Variants in KNTC1 observed in about 807,000 individuals in gnomAD.
KNTC1 encodes kinetochore associated 1.
A neutral mutation model predicts 314.4 loss-of-function variants in KNTC1; 253 were observed. The ratio of observed to expected loss-of-function variants is 0.80; its 90% confidence interval spans 0.73 to 0.89. The LOEUF (loss-of-function observed/expected upper bound fraction) is 0.89. Among genes scored for constraint, KNTC1 ranks in the 40% least tolerant of loss-of-function variants. KNTC1 has a pLI of 0.00. For missense variants in KNTC1, 2,475 were observed against 2,572.9 expected (o/e 0.96, Z 0.82); for synonymous variants, 901 against 901.4 (o/e 1.00, Z 0.01).
At chr12:122,558,577 A>G (rs1963759262) in intron 18 of KNTC1, among the ~76,000 whole-genome samples, 1 of 151,808 alleles carries the variant, frequency 6.6e-6, no homozygotes, top group Non-Finnish European at 1.5e-5. Flanking sequence ...ATATTAAATT[A>G]AAAGATAAAA....
At chr12:122,545,432 AAG>A (rs112536142) in intron 8 of KNTC1, among the ~76,000 whole-genome samples, 8,839 of 152,164 alleles carry the variant, frequency 0.058, 848 homozygotes, top group African/African-American at 0.2. Context: ...AGAAACAAAA[AAG>A]AGAGAAAAGA....
intron 31 of KNTC1, 83 bp from the exon 32 acceptor site, chr12:122,579,822 G>T: frequency 1.1e-6 from 1 of 891,182 alleles, no homozygotes; most frequent in South Asian, 1.5e-5. Flanking sequence ...CTGCTTCTGT[G>T]GTTTTTGTGT....
At position 122,582,983 on chromosome 12, in the gene KNTC1, C is replaced by T; in HGVS notation, c.3261C>T (p.Cys1087=). Residue 1087 remains cysteine, a splice_region_variant and synonymous_variant, in exon 34 of 64, where the codon TGC becomes TGT. Coordinates refer to ENST00000333479, the MANE Select transcript of KNTC1 (RefSeq NM_014708.6). ...DGNIKTALKK[C]SDLFKYHCNA... ...ACATCAAAACAGCACTGAAAAAATG[C>T]AGGTGACATTCCAGATCCCTGAATT... is the stretch of plus-strand genomic sequence containing the variant. The T allele has an allele frequency of 6.2e-7, 1 of 1,603,218 alleles. No individual in the cohort carries two copies. The highest frequency in any genetic ancestry group is 8.5e-7 in the Non-Finnish European group (1 of 1,173,426).
intron 37 of KNTC1, 86 bp from the exon 38 acceptor site, chr12:122,586,615 C>G (rs1869347810): frequency 2.5e-6 from 1 of 406,172 alleles, no homozygotes; most frequent in Non-Finnish European, 4.3e-6. Flanking sequence ...TATTTTGTTA[C>G]ATGGATATAT....
chr12:122,598,226 C>T (rs886434997), intron 44 of KNTC1, among the ~76,000 whole-genome samples: 10 of 151,982 alleles, frequency 6.6e-5, no homozygotes, highest in African/African-American at 2.4e-4. Flanking sequence ...CCTATAACTC[C>T]ACTCCCTAGA....
rs548165774 is a variant in KNTC1, at chr12:122,541,969, C to G, written c.446-81C>G. Reference sequence around the variant, plus strand: ...GGCGGAGGTTGCAGGGAGCCGAGATCGCGCTGCTGCACTCCAGCCTAGCGA... The same window carrying G: ...GGCGGAGGTTGCAGGGAGCCGAGATGGCGCTGCTGCACTCCAGCCTAGCGA... On this transcript the variant is annotated intron_variant, in intron 5 of 63. Coordinates refer to ENST00000333479, the MANE Select transcript of KNTC1 (RefSeq NM_014708.6). The G allele has an allele frequency of 2.2e-5, 30 of 1,349,314 alleles. No individual in the cohort carries two copies. In the East Asian group the frequency reaches 7.9e-4, roughly 36 times the overall value. 83.6% of individuals were successfully genotyped at this position (1,349,314 alleles called of 1,614,324 possible).
In KNTC1 at chr12:122,571,111, G is replaced by C; in HGVS notation, c.2004G>C (p.Trp668Cys). Residue 668 changes from tryptophan to cysteine, a missense_variant, in exon 24 of 64, where the codon TGG (tryptophan) becomes TGC (cysteine). By Grantham distance (215) the Trp-to-Cys change is radical (BLOSUM62 -2). Coordinates refer to ENST00000333479, the MANE Select transcript of KNTC1 (RefSeq NM_014708.6). Reference sequence around the variant, plus strand: ...ACGAGTTGGGATTGGCATCTTCCTGGCATTGGATTTCCTTGGTATGATGTG... The same window carrying C: ...ACGAGTTGGGATTGGCATCTTCCTGCCATTGGATTTCCTTGGTATGATGTG... ...KTDELGLASS[W>C]HWISLKDYQN... is the part of the protein sequence containing the mutation. 3 of 1,612,548 alleles carry C rather than the reference G, an allele frequency of 1.9e-6. No individual in the cohort carries two copies. The highest frequency in any genetic ancestry group is 2.5e-6 in the Non-Finnish European group (3 of 1,178,744).
intron 8 of KNTC1, among the ~76,000 whole-genome samples, chr12:122,544,574 G>A (rs1364035507): frequency 6.6e-6 from 1 of 151,966 alleles, no homozygotes; most frequent in Non-Finnish European, 1.5e-5. Flanking sequence ...TGTCACTAAT[G>A]GAAAAACAGC....
At chr12:122,533,786 T>C (rs987124785) in intron 2 of KNTC1, among the ~76,000 whole-genome samples, 1 of 152,102 alleles carries the variant, frequency 6.6e-6, no homozygotes, top group Non-Finnish European at 1.5e-5. Context: ...TTTGAAATAG[T>C]CATAAAATGA....
intron 53 of KNTC1, among the ~76,000 whole-genome samples, chr12:122,612,219 C>G (rs1258601853): frequency 6.6e-6 from 1 of 151,454 alleles, no homozygotes. Context: ...GCGCACGCCA[C>G]CACGCCTGGC....
chr12:122,598,091 T>TAA (rs1337773077), intron 44 of KNTC1, among the ~76,000 whole-genome samples, 153 bp downstream of exon 44: 1 of 152,244 alleles, frequency 6.6e-6, no homozygotes, highest in Non-Finnish European at 1.5e-5. Context: ...TTAACACAGT[T>TAA]AAATACAATT....
At chr12:122,619,011 C>T (rs775357374) in intron 59 of KNTC1, among the ~76,000 whole-genome samples, 5 of 150,972 alleles carry the variant, frequency 3.3e-5, no homozygotes, top group Non-Finnish European at 7.4e-5. Flanking sequence ...TGAGGCACTG[C>T]GCCCAGCAAC....
intron 16 of KNTC1, among the ~76,000 whole-genome samples, chr12:122,554,074 A>ATATAT (rs71445282): frequency 0.012 from 840 of 70,610 alleles, 7 homozygotes; most frequent in Admixed American, 0.048. Flanking sequence ...TAAAAAAAAA[A>ATATAT]AAATATATAT....
chr12:122,573,140 A>G lies in KNTC1; in HGVS notation c.2140-2A>G. ...TTATTCCATCTTTCTTTTGGCATCC[A>G]GGAAAATACAACCACCATAGTGTTC... On this transcript the variant is annotated splice_acceptor_variant, in intron 25 of 63. Coordinates refer to ENST00000333479, the MANE Select transcript of KNTC1 (RefSeq NM_014708.6). LOFTEE classifies it high-confidence loss of function. 6.2e-7 allele frequency: 1 copy of G among 1,613,866 alleles called. No homozygotes were observed. The highest frequency in any genetic ancestry group is 1.1e-5 in the South Asian group (1 of 91,060).
chr12:122,534,674 A>G lies in KNTC1; in HGVS notation c.140A>G (p.Asn47Ser), dbSNP rs890638812. ...TTTTCTCTCCCACAGGCCTCATTAA[A>G]TCCAAAGATACAGGCATGCAGCTTA... is the stretch of plus-strand genomic sequence containing the variant. ...VKISSEKASL[N>S]PKIQACSLSD... Residue 47 changes from asparagine (N) to serine (S), a missense_variant, in exon 3 of 64, where the codon AAT (asparagine) becomes AGT (serine). By Grantham distance (46) the Asn-to-Ser change is conservative. Transcript: ENST00000333479. 6.2e-7 allele frequency: 1 copy of G among 1,608,232 alleles called. No individual in the cohort carries two copies. The highest frequency in any genetic ancestry group is 8.5e-7 in the Non-Finnish European group (1 of 1,176,724).
intron 18 of KNTC1, 42 bp from the exon 19 acceptor site, chr12:122,561,879 G>A (rs1963998568): frequency 6.8e-7 from 1 of 1,468,702 alleles, no homozygotes; most frequent in Non-Finnish European, 9.3e-7. Flanking sequence ...GAAATAAACA[G>A]TAGATATTCT....
chr12:122,620,049 A>T (rs990467401), intron 59 of KNTC1: 11 of 152,376 alleles, frequency 7.2e-5, no homozygotes, highest in African/African-American at 2.7e-4. Context: ...CATGCCTGTA[A>T]TCCCAGCTAC....
chr12:122,546,156 T>C lies in KNTC1; in HGVS notation c.670-20T>C, dbSNP rs1402136097. The C allele has an allele frequency of 1.4e-6, 2 of 1,472,650 alleles. No homozygotes were observed. Among genetic ancestry groups the C allele is most frequent in the Non-Finnish European group, 1.9e-6 (2 of 1,051,870 alleles). The allele number at this position is 1,472,650 out of a possible 1,614,324, so 91.2% of individuals were successfully genotyped here. A position where few individuals can be genotyped will look rare whatever the true frequency, so the allele number is the denominator to read the frequency against. ...CTAAGAATGAAATTTGCATTTTAAG[T>C]ACTGTGTTCATTTTTCCAGGGAACC... is the stretch of plus-strand genomic sequence containing the variant. On this transcript the variant is annotated intron_variant, in intron 8 of 63. Coordinates refer to ENST00000333479, the MANE Select transcript of KNTC1 (RefSeq NM_014708.6).
intron 2 of KNTC1, among the ~76,000 whole-genome samples, chr12:122,531,161 CTTTTT>C (rs376418570): frequency 6.8e-6 from 1 of 148,102 alleles, no homozygotes; most frequent in African/African-American, 2.5e-5. Context: ...ATGCTTTTGA[CTTTTT>C]TTTTTAAACT....
Sources: gnomAD v4.1 joint callset for allele counts (sites outside exome capture counted in the v4.1 genomes callset) on GRCh38, gnomAD v4.1.1 for gene constraint, MANE v1.5 for transcripts, NCBI Gene and HGNC (gene_info 2026-07-23, HGNC 2026-07-21) for gene names.